ATF7: variants seen among roughly 807,000 people sequenced by gnomAD.
The protein encoded by ATF7 is cyclic AMP-dependent transcription factor ATF-7.
A neutral mutation model predicts 50.4 loss-of-function variants in ATF7; 10 were observed. That is an observed-to-expected ratio of 0.20 (90% CI 0.12 to 0.34). ATF7 has a LOEUF of 0.34. ATF7 is among the 10% of genes least tolerant of loss of function. The pLI, the probability that ATF7 is intolerant of heterozygous loss-of-function variation, is 1.00. For synonymous variants in ATF7, 201 were observed against 226.4 expected (o/e 0.89, Z 1.01); for missense variants, 465 against 613.9 (o/e 0.76, Z 2.56).
chr12:53,567,758 C>G (rs1310983208), intron 2 of ATF7, among the ~76,000 whole-genome samples: 1 of 152,168 alleles, frequency 6.6e-6, no homozygotes. Flanking sequence ...CAGATGTAGC[C>G]ACTTAGCTGG....
intron 10 of ATF7, 122 bp from the exon 11 acceptor site, chr12:53,523,506 G>C: frequency 1.4e-6 from 1 of 706,852 alleles, no homozygotes; most frequent in African/African-American, 1.7e-5. Context: ...ATTGGGACAA[G>C]ACTCCTGATC....
intron 5 of ATF7, among the ~76,000 whole-genome samples, chr12:53,536,202 C>A (rs1939211284): frequency 6.6e-6 from 1 of 151,670 alleles, no homozygotes; most frequent in South Asian, 2.1e-4. Flanking sequence ...TAAGTATGTA[C>A]TTTTGTGTAT....
At chr12:53,619,808 C>A (rs1944303413) in intron 1 of ATF7, among the ~76,000 whole-genome samples, 1 of 150,934 alleles carries the variant, frequency 6.6e-6, no homozygotes, top group Non-Finnish European at 1.5e-5. Context: ...GGAGACCCTG[C>A]CTCAGAAAAA....
chr12:53,611,841 AC>A (rs1943892096), intron 1 of ATF7, among the ~76,000 whole-genome samples: 2 of 151,608 alleles, frequency 1.3e-5, no homozygotes, highest in Non-Finnish European at 2.9e-5. Flanking sequence ...TGATCTGCCC[AC>A]CTCAGCCTCC....
At chr12:53,574,936 T>G in intron 2 of ATF7, 1 of 270,098 alleles carries the variant, frequency 3.7e-6, no homozygotes. Flanking sequence ...TACTCTTTCT[T>G]GCCATTGAGC....
chr12:53,530,730 C>G (rs1045034276), intron 9 of ATF7, among the ~76,000 whole-genome samples: 5 of 152,098 alleles, frequency 3.3e-5, no homozygotes, highest in Non-Finnish European at 5.9e-5. Flanking sequence ...GCCTCAGCCT[C>G]CTGAGTAGCT....
At position 53,537,484 on chromosome 12, in the gene ATF7, T is replaced by C. The variant is rs201312981; in HGVS notation, c.333A>G (p.Pro111=). 6.2e-7 allele frequency: 1 copy of C among 1,613,770 alleles called. No homozygotes were observed. Residue 111 remains proline, a synonymous_variant, in exon 5 of 12, where the codon CCA becomes CCG. Coordinates refer to ENST00000420353, the MANE Select transcript of ATF7 (RefSeq NM_006856.3). The part of the protein sequence containing the change: ...TPDIKIKEEE[P]VEVDSSPPDS... Reference sequence around the variant, plus strand: ...CAGGTGGGGATGAGTCTACCTCCACTGGCTCTTCTTCTTTGATTTTGATGT... The same window carrying C: ...CAGGTGGGGATGAGTCTACCTCCACCGGCTCTTCTTCTTTGATTTTGATGT...
At chr12:53,547,132 C>T (rs191774977) in intron 3 of ATF7, among the ~76,000 whole-genome samples, 1 of 146,028 alleles carries the variant, frequency 6.8e-6, no homozygotes, top group Non-Finnish European at 1.5e-5. Context: ...CTACAGGCGC[C>T]CGCCACCATG....
intron 2 of ATF7, among the ~76,000 whole-genome samples, chr12:53,594,546 A>C (rs1943073985): frequency 6.6e-6 from 1 of 152,230 alleles, no homozygotes; most frequent in Non-Finnish European, 1.5e-5. Context: ...ATCTGACATT[A>C]AGAAACTTGA....
chr12:53,553,476 A>C (rs1046680909), intron 2 of ATF7, among the ~76,000 whole-genome samples: 1 of 152,184 alleles, frequency 6.6e-6, no homozygotes, highest in Non-Finnish European at 1.5e-5. Context: ...GTGAAAGGAC[A>C]ATGAAGAAAA....
chr12:53,569,297 T>C (rs557491847), intron 2 of ATF7, among the ~76,000 whole-genome samples: 41 of 152,364 alleles, frequency 2.7e-4, no homozygotes, highest in Middle Eastern at 6.8e-3. Flanking sequence ...AATTGTCTTG[T>C]TCCTGTCTCA....
intron 2 of ATF7, among the ~76,000 whole-genome samples, chr12:53,554,117 A>C (rs1195791992): frequency 7.3e-6 from 1 of 137,580 alleles, no homozygotes; most frequent in Non-Finnish European, 1.6e-5. Context: ...TCTATACAAA[A>C]ATGTTTTATT....
At chr12:53,508,700 T>C (rs572172806), downstream of ATF7, among the ~76,000 whole-genome samples, 11 of 152,260 alleles carry the variant, frequency 7.2e-5, no homozygotes, top group East Asian at 1.9e-3. Flanking sequence ...GCCCTTCCTA[T>C]AGTCACTCTC....
At chr12:53,545,060 G>GGA in intron 3 of ATF7, among the ~76,000 whole-genome samples, 1 of 152,290 alleles carries the variant, frequency 6.6e-6, no homozygotes, top group Middle Eastern at 3.4e-3. Context: ...AAGTGGAACA[G>GGA]GAGGGGGCAG....
chr12:53,577,258 G>A (rs1005782106), intron 2 of ATF7, among the ~76,000 whole-genome samples: 2 of 151,888 alleles, frequency 1.3e-5, no homozygotes, highest in African/African-American at 4.8e-5. Context: ...GTAAGACACT[G>A]TCTCTAAAAA....
chr12:53,540,587 G>A (rs1020498206), intron 4 of ATF7, among the ~76,000 whole-genome samples: 8 of 151,272 alleles, frequency 5.3e-5, no homozygotes, highest in African/African-American at 1.2e-4. Flanking sequence ...TTAGCCAGGC[G>A]TCGTGGCATG....
intron 2 of ATF7, among the ~76,000 whole-genome samples, chr12:53,568,265 T>G (rs1941558221): frequency 6.6e-6 from 1 of 152,072 alleles, no homozygotes; most frequent in South Asian, 2.1e-4. Flanking sequence ...TTTAGTACTG[T>G]AACAGTCAAG....
chr12:53,555,667 C>T (rs1205939284), intron 2 of ATF7, among the ~76,000 whole-genome samples: 6 of 151,450 alleles, frequency 4.0e-5, no homozygotes, highest in Non-Finnish European at 5.9e-5. Context: ...TGCGTCACCA[C>T]GCCCGGCTAA....
chr12:53,532,636 A>C lies in ATF7; in HGVS notation c.661-13T>G. The C allele has an allele frequency of 6.6e-7, 1 of 1,505,544 alleles. No homozygotes were observed. Among genetic ancestry groups the C allele is most frequent in the Middle Eastern group, 1.7e-4 (1 of 5,834 alleles). The allele number at this position is 1,505,544 out of a possible 1,614,324, so 93.3% of individuals were successfully genotyped here. On this transcript the variant is annotated splice_polypyrimidine_tract_variant and intron_variant, in intron 7 of 11. Transcript: ENST00000420353. ...CAGGTCTGGCCAGCTGGATCGAGAG[A>C]AGGAAAAAAAAAAAAAGAGAAGGGA...
Sources: gnomAD v4.1 joint callset for allele counts (sites outside exome capture counted in the v4.1 genomes callset) on GRCh38, gnomAD v4.1.1 for gene constraint, MANE v1.5 for transcripts, NCBI Gene and HGNC (gene_info 2026-07-23, HGNC 2026-07-21) for gene names.